Variants in STIM1 observed in about 807,000 individuals in gnomAD.
STIM1 encodes the protein stromal interaction molecule 1.
Under a neutral mutation model 74.7 loss-of-function variants are expected in STIM1, and 25 were observed. The observed-to-expected ratio is 0.33, with a 90% CI of 0.24 to 0.47. STIM1 has a LOEUF of 0.47. Among genes scored for constraint, STIM1 ranks in the 20% least tolerant of loss-of-function variants. The pLI is 1.00. For synonymous variants in STIM1, 328 were observed against 348.8 expected (o/e 0.94, Z 0.66); for missense variants, 728 against 920.8 (o/e 0.79, Z 2.71).
At chr11:4,018,790 G>C (rs1400754481) in intron 2 of STIM1, among the ~76,000 whole-genome samples, 1 of 152,146 alleles carries the variant, frequency 6.6e-6, no homozygotes, top group Non-Finnish European at 1.5e-5. Flanking sequence ...AACATACCAA[G>C]TATATTCTCT....
At chr11:3,930,711 A>G (rs953474304) in intron 1 of STIM1, among the ~76,000 whole-genome samples, 4 of 152,142 alleles carry the variant, frequency 2.6e-5, no homozygotes, top group African/African-American at 7.2e-5. Flanking sequence ...CCTACTTCCT[A>G]TCATACAAAT....
At chr11:3,963,959 G>A (rs1165988380) in intron 1 of STIM1, among the ~76,000 whole-genome samples, 1 of 152,184 alleles carries the variant, frequency 6.6e-6, no homozygotes, top group African/African-American at 2.4e-5. Context: ...GCTGCTCTGG[G>A]GGTAAAGAAG....
chr11:3,861,881 AC>A (rs765330604), intron 1 of STIM1, among the ~76,000 whole-genome samples: 20 of 152,088 alleles, frequency 1.3e-4, no homozygotes, highest in Non-Finnish European at 2.8e-4. Context: ...CTAGGTCTCT[AC>A]AGGACTTGAG....
chr11:3,943,597 A>G (rs562539683), intron 1 of STIM1, among the ~76,000 whole-genome samples: 159 of 152,298 alleles, frequency 1.0e-3, no homozygotes, highest in African/African-American at 3.7e-3. Flanking sequence ...AGTCCAGTTC[A>G]CAGTTAAAAA....
chr11:4,006,329 A>G (rs972497893), intron 2 of STIM1, among the ~76,000 whole-genome samples: 23 of 152,312 alleles, frequency 1.5e-4, no homozygotes, highest in Admixed American at 9.2e-4. Context: ...AGAAGCTGCT[A>G]TGCTTCCTGT....
At chr11:4,078,520 T>C (rs2094448785) in intron 7 of STIM1, among the ~76,000 whole-genome samples, 1 of 152,108 alleles carries the variant, frequency 6.6e-6, no homozygotes, top group African/African-American at 2.4e-5. Context: ...CTCTGACTTT[T>C]GGTTTATCTA....
intron 1 of STIM1, among the ~76,000 whole-genome samples, chr11:3,923,799 T>C (rs1431755658): frequency 6.6e-6 from 1 of 152,048 alleles, no homozygotes; most frequent in African/African-American, 2.4e-5. Flanking sequence ...GTTTATCAGG[T>C]TGTTGTTCTT....
intron 1 of STIM1, among the ~76,000 whole-genome samples, chr11:3,891,442 G>A (rs2091894058): frequency 6.6e-6 from 1 of 151,920 alleles, no homozygotes; most frequent in African/African-American, 2.4e-5. Flanking sequence ...ACAGGCACAT[G>A]CCACCATATC....
chr11:3,978,490 G>T (rs544053152), intron 2 of STIM1, among the ~76,000 whole-genome samples: 1 of 150,882 alleles, frequency 6.6e-6, no homozygotes, highest in East Asian at 2.0e-4. Flanking sequence ...GCCAGGCACG[G>T]TGGCTCATGC....
chr11:4,015,542 G>C (rs1344651885), intron 2 of STIM1, among the ~76,000 whole-genome samples: 2 of 152,256 alleles, frequency 1.3e-5, no homozygotes, highest in East Asian at 3.9e-4. Context: ...TCTTCTCGAG[G>C]AGTATCTTTA....
intron 2 of STIM1, among the ~76,000 whole-genome samples, chr11:3,981,985 CTCTG>C (rs1224540878): frequency 2.6e-5 from 4 of 152,110 alleles, no homozygotes; most frequent in African/African-American, 2.4e-5. Flanking sequence ...TTCTCTCTCT[CTCTG>C]TCTCTTTCTT....
At chr11:3,940,168 G>A (rs1197605132) in intron 1 of STIM1, among the ~76,000 whole-genome samples, 3 of 152,118 alleles carry the variant, frequency 2.0e-5, no homozygotes, top group African/African-American at 4.8e-5. Flanking sequence ...CAACAGTTCC[G>A]TCTTCTAGTG....
intron 3 of STIM1, among the ~76,000 whole-genome samples, chr11:4,026,679 A>G (rs1352285518): frequency 1.3e-5 from 2 of 152,226 alleles, no homozygotes; most frequent in Non-Finnish European, 2.9e-5. Flanking sequence ...AGAAAGCCCT[A>G]TACTTATGAT....
chr11:4,045,087 C>T (rs2094179805), intron 3 of STIM1, among the ~76,000 whole-genome samples: 2 of 152,096 alleles, frequency 1.3e-5, no homozygotes, highest in South Asian at 4.1e-4. Flanking sequence ...GGAGTTTCTG[C>T]ATGCCAAGAT....
chr11:3,892,391 A>G, intron 1 of STIM1: 3 of 1,423,772 alleles, frequency 2.1e-6, no homozygotes, highest in South Asian at 1.2e-5. Flanking sequence ...AGTCAAACTT[A>G]TTAAGAGTTG....
intron 1 of STIM1, among the ~76,000 whole-genome samples, chr11:3,923,909 G>T (rs1334217857): frequency 1.3e-5 from 2 of 152,106 alleles, no homozygotes; most frequent in Non-Finnish European, 2.9e-5. Flanking sequence ...GATTGGCTTT[G>T]CATTAAATCT....
chr11:3,992,319 C>T (rs1047663841), intron 2 of STIM1, among the ~76,000 whole-genome samples: 6 of 151,434 alleles, frequency 4.0e-5, no homozygotes, highest in Non-Finnish European at 8.8e-5. Flanking sequence ...AAGGCTGAGA[C>T]ATGAGAATGG....
rs139472251 is a variant in STIM1 at position 3,962,445 on chromosome 11, TTGTGTG to T, written c.140-5081_140-5076del. On this transcript the variant is annotated intron_variant, in intron 1 of 12. Coordinates refer to ENST00000526596, the MANE Select transcript of STIM1 (RefSeq NM_001382567.1). ...ATTCTTCTTTTATGGCTGAGTAGTA[TTGTGTG>T]TGTGTGTGTGTGTGTGTGTGTGTGT... Among the ~76,000 whole-genome samples, 178 of 147,724 alleles carry T rather than the reference TTGTGTG, an allele frequency of 1.2e-3. 1 individual carries two copies. The highest frequency in any genetic ancestry group is 4.1e-3 in the African/African-American group (165 of 40,332).
chr11:4,025,495 G>A lies in STIM1; in HGVS notation c.385+1508G>A, dbSNP rs544557512. ...AGATTAAGCAGTGACATGAGCTTTG[G>A]AACTATACCAGCGGTGCCAGGAAAA... On this transcript the variant is annotated intron_variant, in intron 3 of 12. Transcript: ENST00000526596. 4.6e-5 allele frequency among the ~76,000 whole-genome samples: 7 copies of A among 152,250 alleles called. No homozygotes were observed. The South Asian group carries it at 1.5e-3, about 32-fold the overall frequency.
Sources: allele counts gnomAD v4.1 joint callset (sites outside exome capture counted in the v4.1 genomes callset), GRCh38; gene constraint gnomAD v4.1.1; transcripts MANE v1.5; gene names NCBI Gene and HGNC (gene_info 2026-07-23, HGNC 2026-07-21).